Variants in ANKRD55 observed in about 807,000 individuals in gnomAD.
ANKRD55 encodes the protein ankyrin repeat domain-containing protein 55.
Under a neutral mutation model 60.6 loss-of-function variants are expected in ANKRD55, and 41 were observed. The ratio of observed to expected loss-of-function variants is 0.68; its 90% CI spans 0.53 to 0.88. The LOEUF (loss-of-function observed/expected upper bound fraction) is 0.88, where lower values mean the gene tolerates loss of function less well. Among genes scored for constraint, ANKRD55 ranks in the 40% least tolerant of loss-of-function variants. The probability of loss-of-function intolerance (pLI) is 0.00; values close to 1 mark genes in which losing one functional copy is unlikely to be tolerated. For missense variants in ANKRD55, 732 were observed against 767.6 expected, an observed-to-expected ratio of 0.95 and a Z score of 0.55; for synonymous variants, 264 against 290.3, an observed-to-expected ratio of 0.91 and a Z score of 0.92.
chr5:56,133,073 C>T (rs1448780005), intron 7 of ANKRD55, among the ~76,000 whole-genome samples: 1 of 152,330 alleles, frequency 6.6e-6, no homozygotes, highest in East Asian at 1.9e-4. Flanking sequence ...TAGTTGAAGA[C>T]TTCAACATCC....
intron 7 of ANKRD55, chr5:56,127,535 T>C (rs546628404): frequency 1.0e-6 from 1 of 983,868 alleles, no homozygotes; most frequent in African/African-American, 1.8e-5. Flanking sequence ...GTTAAAGAAG[T>C]GACTATGATG....
intron 6 of ANKRD55, among the ~76,000 whole-genome samples, chr5:56,148,840 T>G (rs160923): frequency 1.2e-4 from 18 of 151,626 alleles, no homozygotes; most frequent in East Asian, 7.9e-4. Context: ...CGGTTCGGGG[T>G]GGGGTGGTGG....
At chr5:56,188,190 G>A (rs1224191856) in intron 2 of ANKRD55, among the ~76,000 whole-genome samples, 1 of 152,078 alleles carries the variant, frequency 6.6e-6, no homozygotes, top group Non-Finnish European at 1.5e-5. Flanking sequence ...GACCCAATTA[G>A]AGCCCACGAA....
At chr5:56,210,135 G>C (rs1467192284) in intron 2 of ANKRD55, among the ~76,000 whole-genome samples, 1 of 151,956 alleles carries the variant, frequency 6.6e-6, no homozygotes, top group East Asian at 1.9e-4. Context: ...AGCCTCCTGA[G>C]TAGCTGGGAC....
chr5:56,225,304 C>G (rs1040521992), intron 2 of ANKRD55, among the ~76,000 whole-genome samples: 3 of 152,072 alleles, frequency 2.0e-5, no homozygotes, highest in African/African-American at 4.8e-5. Context: ...TAAAAACTCT[C>G]GATAAATTAG....
intron 2 of ANKRD55, among the ~76,000 whole-genome samples, chr5:56,232,140 G>A (rs1760272706): frequency 6.6e-6 from 1 of 152,106 alleles, no homozygotes; most frequent in Admixed American, 6.5e-5. Flanking sequence ...ATTACACGAA[G>A]ATGTATATAA....
chr5:56,116,921 T>C, intron 8 of ANKRD55, 139 bp from the exon 9 acceptor site: 1 of 894,724 alleles, frequency 1.1e-6, no homozygotes, highest in East Asian at 3.0e-5. Flanking sequence ...AAATAGTAAG[T>C]GTTAAATGAG....
chr5:56,107,810 G>C (rs1031540492), intron 10 of ANKRD55, among the ~76,000 whole-genome samples: 1 of 152,032 alleles, frequency 6.6e-6, no homozygotes, highest in Non-Finnish European at 1.5e-5. Context: ...GCTTATGATT[G>C]TGGAGCCACC....
intron 7 of ANKRD55, among the ~76,000 whole-genome samples, chr5:56,135,785 A>G (rs989660797): frequency 1.1e-4 from 17 of 152,220 alleles, no homozygotes; most frequent in Admixed American, 4.6e-4. Flanking sequence ...TTTTCAGATC[A>G]CATGACTATC....
chr5:56,116,825 G>T, intron 8 of ANKRD55, 43 bp from the exon 9 acceptor site: 2 of 1,506,426 alleles, frequency 1.3e-6, no homozygotes, highest in East Asian at 2.6e-5. Context: ...CTGAGCATGT[G>T]AATTGTTCAG....
intron 2 of ANKRD55, among the ~76,000 whole-genome samples, chr5:56,226,422 G>A (rs1561299886): frequency 6.6e-6 from 1 of 152,116 alleles, no homozygotes; most frequent in Non-Finnish European, 1.5e-5. Context: ...ATAGGCATGG[G>A]CAAGGACTTC....
intron 2 of ANKRD55, among the ~76,000 whole-genome samples, chr5:56,219,907 G>T (rs146301835): frequency 1.3e-5 from 2 of 152,348 alleles, no homozygotes; most frequent in African/African-American, 4.8e-5. Flanking sequence ...TATCAAAATA[G>T]TGGTATCAAA....
chr5:56,102,679 A>C (rs1238619738), intron 10 of ANKRD55, 93 bp from the exon 11 acceptor site: 2 of 820,806 alleles, frequency 2.4e-6, no homozygotes, highest in African/African-American at 3.4e-5. Context: ...AAGTTGTTAC[A>C]GATCACTAAA....
chr5:56,119,068 T>C (rs1366677535), intron 8 of ANKRD55, among the ~76,000 whole-genome samples: 5 of 152,258 alleles, frequency 3.3e-5, no homozygotes, highest in African/African-American at 4.8e-5. Flanking sequence ...CACTTTTAAG[T>C]ATTTTGCTGG....
rs549250071 is a variant in ANKRD55 at position 56,199,058 on chromosome 5, C to T, written c.59-15424G>A. Among the ~76,000 whole-genome samples, 6 of 147,840 alleles carry T rather than the reference C, an allele frequency of 4.1e-5. No individual in the cohort carries two copies. In the East Asian group the frequency reaches 8.5e-4, roughly 21 times the overall value. ...TCGCGCCACTGCACTCCAGCCTGGA[C>T]GACAGAGTGAGACTCTGTCTCAAAA... On this transcript the variant is annotated intron_variant, in intron 2 of 11. Transcript: ENST00000341048.
intron 2 of ANKRD55, among the ~76,000 whole-genome samples, chr5:56,218,335 AC>A: frequency 6.6e-6 from 1 of 152,358 alleles, no homozygotes; most frequent in East Asian, 1.9e-4. Context: ...ACATACAGAT[AC>A]ATCTTTTATG....
At chr5:56,115,323 A>ATT (rs534617384) in intron 9 of ANKRD55, among the ~76,000 whole-genome samples, 1 of 141,704 alleles carries the variant, frequency 7.1e-6, no homozygotes. Context: ...ACTTTATTCT[A>ATT]TTTTTTTTTT....
chr5:56,190,623 G>C (rs1759073064), intron 2 of ANKRD55, among the ~76,000 whole-genome samples: 1 of 152,102 alleles, frequency 6.6e-6, no homozygotes, highest in Non-Finnish European at 1.5e-5. Flanking sequence ...CAATACTATA[G>C]ACTGGGTAAT....
chr5:56,109,291 T>G (rs756850899), intron 10 of ANKRD55, among the ~76,000 whole-genome samples: 2 of 152,194 alleles, frequency 1.3e-5, no homozygotes, highest in Non-Finnish European at 2.9e-5. Flanking sequence ...CAGTGGTGTC[T>G]AAGTGGACAG....
Sources: allele counts gnomAD v4.1 joint callset (sites outside exome capture counted in the v4.1 genomes callset), GRCh38; gene constraint gnomAD v4.1.1; transcripts MANE v1.5; gene names NCBI Gene and HGNC (gene_info 2026-07-23, HGNC 2026-07-21).